The following PPP1R42 variants were observed in gnomAD, a reference collection of about 807,000 sequenced individuals.
PPP1R42 encodes protein phosphatase 1 regulatory subunit 42, also known as leucine rich repeat containing 67.
PPP1R42 carries 34 observed loss-of-function variants against 31.0 expected under a neutral mutation model. The ratio of observed to expected loss-of-function variants is 1.10; its 90% CI spans 0.83 to 1.46. The LOEUF (loss-of-function observed/expected upper bound fraction) is 1.46. Ranked by LOEUF, PPP1R42 falls within the 40% of genes most tolerant of loss-of-function variation. The pLI is 0.00. For synonymous variants in PPP1R42, 103 were observed against 109.8 expected, an observed-to-expected ratio of 0.94 and a Z score of 0.39; for missense variants, 268 against 303.0, an observed-to-expected ratio of 0.88 and a Z score of 0.86.
chr8:66,984,551 A>T (rs1814944150), intron 6 of PPP1R42: 1 of 1,233,432 alleles, frequency 8.1e-7, no homozygotes. Flanking sequence ...CTCCATCTCA[A>T]TCTTGAACTT....
At chr8:66,978,685 T>A (rs1009167342) in intron 7 of PPP1R42, among the ~76,000 whole-genome samples, 5 of 152,174 alleles carry the variant, frequency 3.3e-5, no homozygotes, top group African/African-American at 1.2e-4. Context: ...CCCAAAATGC[T>A]GAGATTACAG....
intron 5 of PPP1R42, among the ~76,000 whole-genome samples, chr8:67,003,937 A>G (rs1815590539): frequency 6.6e-6 from 1 of 152,118 alleles, no homozygotes; most frequent in Admixed American, 6.5e-5. Context: ...AAAAGTACAA[A>G]AAATTAGCCG....
chr8:66,971,815 T>C (rs1029751872), intron 7 of PPP1R42, among the ~76,000 whole-genome samples: 1 of 152,210 alleles, frequency 6.6e-6, no homozygotes, highest in East Asian at 1.9e-4. Context: ...GTAAGATCCT[T>C]GAAGTTAGAG....
chr8:67,014,002 T>G (rs1815923886), intron 3 of PPP1R42, among the ~76,000 whole-genome samples: 1 of 152,218 alleles, frequency 6.6e-6, no homozygotes, highest in South Asian at 2.1e-4. Context: ...ATCAATTATA[T>G]GACGCAGATG....
intron 5 of PPP1R42, among the ~76,000 whole-genome samples, chr8:66,993,195 C>T (rs1815242013): frequency 6.6e-6 from 1 of 152,208 alleles, no homozygotes; most frequent in South Asian, 2.1e-4. Context: ...CTAAACAGCT[C>T]TCCAATCTGT....
chr8:66,977,341 T>A (rs1289297541), intron 7 of PPP1R42, among the ~76,000 whole-genome samples: 1 of 151,136 alleles, frequency 6.6e-6, no homozygotes, highest in African/African-American at 2.4e-5. Flanking sequence ...CCTTGCTTTT[T>A]TTTTTTTTTT....
intron 6 of PPP1R42, among the ~76,000 whole-genome samples, chr8:66,987,176 T>A (rs564104706): frequency 1.2e-3 from 182 of 152,200 alleles, no homozygotes; most frequent in African/African-American, 4.3e-3. Context: ...AAATTCCAAG[T>A]CTTTTATTGT....
At chr8:66,989,345 G>A (rs1235761985) in intron 5 of PPP1R42, among the ~76,000 whole-genome samples, 3 of 152,080 alleles carry the variant, frequency 2.0e-5, no homozygotes, top group African/African-American at 7.2e-5. Context: ...TCCCTATTTG[G>A]GTTTCTTTTC....
intron 1 of PPP1R42, among the ~76,000 whole-genome samples, chr8:67,023,848 A>T (rs1370880504): frequency 1.3e-5 from 2 of 151,122 alleles, no homozygotes; most frequent in Non-Finnish European, 2.9e-5. Flanking sequence ...GTTTTTTTTT[A>T]AGATAGCCAT....
chr8:66,984,336 A>G, intron 6 of PPP1R42: 3 of 1,275,454 alleles, frequency 2.4e-6, no homozygotes, highest in Non-Finnish European at 2.3e-6. Context: ...CAGGTTCCTC[A>G]TGATCATCTC....
intron 1 of PPP1R42, among the ~76,000 whole-genome samples, chr8:67,025,544 G>GC (rs1554542994): frequency 7.1e-6 from 1 of 141,422 alleles, no homozygotes; most frequent in Non-Finnish European, 1.6e-5. Flanking sequence ...CCATCTTAGG[G>GC]TTTTTTTTTT....
chr8:66,998,534 C>T (rs117065167), intron 5 of PPP1R42, among the ~76,000 whole-genome samples: 2,942 of 152,240 alleles, frequency 0.019, 53 homozygotes, highest in Admixed American at 0.049. Context: ...CAAGCAATGT[C>T]ATTTGTTTCA....
At chr8:67,017,964 C>G in intron 1 of PPP1R42, 133 bp from the exon 2 acceptor site, 1 of 383,000 alleles carries the variant, frequency 2.6e-6, no homozygotes, top group East Asian at 4.5e-5. Context: ...TTTAGGGGCA[C>G]TGAGGTATTT....
chr8:67,025,361 T>C (rs1396291433), intron 1 of PPP1R42, among the ~76,000 whole-genome samples: 1 of 151,264 alleles, frequency 6.6e-6, no homozygotes, highest in Admixed American at 6.6e-5. Flanking sequence ...ATCCTCCTGC[T>C]TTGGCTTTTC....
chr8:66,970,418 G>A (rs965507927), intron 7 of PPP1R42, among the ~76,000 whole-genome samples: 22 of 152,074 alleles, frequency 1.4e-4, no homozygotes, highest in Non-Finnish European at 2.9e-4. Context: ...TTATAGGCGT[G>A]AACCATTGTC....
intron 7 of PPP1R42, among the ~76,000 whole-genome samples, chr8:66,966,383 G>A (rs1814380128): frequency 6.6e-6 from 1 of 152,192 alleles, no homozygotes; most frequent in Non-Finnish European, 1.5e-5. Flanking sequence ...CCTGCTCATG[G>A]CAACTGTGTG....
At chr8:66,965,263 CAAAAA>C (rs35319935) in intron 7 of PPP1R42, among the ~76,000 whole-genome samples, 2 of 66,588 alleles carry the variant, frequency 3.0e-5, no homozygotes. Context: ...GACTCCGTCT[CAAAAA>C]AAAAAAAAAA....
chr8:67,012,829 A>G (rs968951672), intron 4 of PPP1R42, 129 bp downstream of exon 4: 1 of 750,904 alleles, frequency 1.3e-6, no homozygotes, highest in South Asian at 3.5e-5. Context: ...GTCCTCTGAT[A>G]AGCTCTGAGC....
chr8:67,025,100 G>A (rs1816354128), intron 1 of PPP1R42, among the ~76,000 whole-genome samples: 3 of 151,544 alleles, frequency 2.0e-5, no homozygotes, highest in Admixed American at 2.0e-4. Flanking sequence ...ACCATGCCCA[G>A]CTAATTTTTT....
Sources: gnomAD v4.1 joint callset for allele counts (sites outside exome capture counted in the v4.1 genomes callset) on GRCh38, gnomAD v4.1.1 for gene constraint, MANE v1.5 for transcripts, NCBI Gene and HGNC (gene_info 2026-07-23, HGNC 2026-07-21) for gene names.